CDH13: variants seen among roughly 807,000 people sequenced by gnomAD.
CDH13 encodes cadherin 13.
Under a neutral mutation model 63.8 loss-of-function variants are expected in CDH13, and 24 were observed. The ratio of observed to expected loss-of-function variants is 0.38; its 90% CI spans 0.27 to 0.53. CDH13 has a LOEUF of 0.53. Ranked by LOEUF, CDH13 falls within the 20% of genes least tolerant of loss-of-function variation. The pLI is 0.85. For synonymous variants in CDH13, 503 were observed against 355.3 expected, an observed-to-expected ratio of 1.42 and a Z score of -4.67; for missense variants, 1,049 against 903.1, an observed-to-expected ratio of 1.16 and a Z score of -2.07.
chr16:82,674,437 A>C (rs1913659048), intron 1 of CDH13, among the ~76,000 whole-genome samples: 1 of 152,222 alleles, frequency 6.6e-6, no homozygotes, highest in African/African-American at 2.4e-5. Flanking sequence ...AAGTGTTAGC[A>C]ATCCTCCAGA....
At chr16:83,220,599 G>GTAA (rs1189483385) in intron 5 of CDH13, among the ~76,000 whole-genome samples, 1 of 142,128 alleles carries the variant, frequency 7.0e-6, no homozygotes, top group African/African-American at 2.7e-5. Flanking sequence ...AACTTAAAGT[G>GTAA]TAATAATAAT....
At chr16:83,633,958 C>G (rs1911008929) in intron 8 of CDH13, among the ~76,000 whole-genome samples, 1 of 152,190 alleles carries the variant, frequency 6.6e-6, no homozygotes, top group Non-Finnish European at 1.5e-5. Flanking sequence ...ACAGAAGTTG[C>G]AAAAATAGTG....
chr16:83,081,782 A>G (rs1470645402), intron 3 of CDH13, among the ~76,000 whole-genome samples: 1 of 152,026 alleles, frequency 6.6e-6, no homozygotes, highest in Non-Finnish European at 1.5e-5. Flanking sequence ...TTCCACCCTC[A>G]TGACCTCATC....
chr16:83,379,574 T>G (rs2091518875), intron 6 of CDH13, among the ~76,000 whole-genome samples: 1 of 152,152 alleles, frequency 6.6e-6, no homozygotes, highest in Non-Finnish European at 1.5e-5. Flanking sequence ...ATGCACAACT[T>G]GATCATGAGA....
chr16:83,249,089 A>G (rs1905239247), intron 5 of CDH13, among the ~76,000 whole-genome samples: 1 of 152,188 alleles, frequency 6.6e-6, no homozygotes, highest in Non-Finnish European at 1.5e-5. Context: ...AGTACTACTA[A>G]AACACAAATT....
chr16:83,773,125 C>T (rs1372399371), intron 11 of CDH13, among the ~76,000 whole-genome samples: 1 of 152,158 alleles, frequency 6.6e-6, no homozygotes, highest in Non-Finnish European at 1.5e-5. Flanking sequence ...GACACTATTC[C>T]TTTCCATGAT....
intron 7 of CDH13, among the ~76,000 whole-genome samples, chr16:83,508,848 A>AT (rs2074486378): frequency 6.6e-6 from 1 of 152,182 alleles, no homozygotes. Flanking sequence ...TATATTTTAG[A>AT]TATCTTGTAA....
intron 2 of CDH13, among the ~76,000 whole-genome samples, chr16:82,910,891 G>A (rs1717600217): frequency 6.6e-6 from 1 of 152,180 alleles, no homozygotes; most frequent in East Asian, 1.9e-4. Flanking sequence ...GCCAGTGGAT[G>A]AGTTTAATCA....
chr16:83,459,709 TC>T (rs1471999873), intron 6 of CDH13, among the ~76,000 whole-genome samples: 1 of 152,140 alleles, frequency 6.6e-6, no homozygotes, highest in Non-Finnish European at 1.5e-5. Flanking sequence ...GTATTAAGAG[TC>T]ACTTGATCAC....
chr16:82,822,952 C>T lies in CDH13; in HGVS notation c.46-35410C>T, dbSNP rs182960280. Among the ~76,000 whole-genome samples the T allele has an allele frequency of 1.8e-3, 275 of 152,220 alleles. 3 individuals are homozygous for T. Among genetic ancestry groups the T allele is most frequent in the African/African-American group, 6.0e-3 (251 of 41,534 alleles). On this transcript the variant is annotated intron_variant, in intron 1 of 13. Coordinates refer to ENST00000567109, the MANE Select transcript of CDH13 (RefSeq NM_001257.5). ...CCGAGGCTGGAGTCATCTGGAAGTG[C>T]GCTCGCTCATAGACCTGGGTGTGGA...
At chr16:82,740,386 T>C (rs1429661149) in intron 1 of CDH13, among the ~76,000 whole-genome samples, 1 of 152,238 alleles carries the variant, frequency 6.6e-6, no homozygotes, top group East Asian at 1.9e-4. Flanking sequence ...ACTTTCCAGA[T>C]AATGTACAGC....
chr16:82,823,275 C>T (rs2038089702), intron 1 of CDH13: 1 of 152,048 alleles, frequency 6.6e-6, no homozygotes, highest in Non-Finnish European at 1.5e-5. Context: ...GACTTTACCT[C>T]CTAGTGAGAA....
chr16:83,370,679 G>A (rs529277967), intron 6 of CDH13, among the ~76,000 whole-genome samples: 1 of 152,194 alleles, frequency 6.6e-6, no homozygotes, highest in East Asian at 1.9e-4. Context: ...GTGTTCTTGT[G>A]TACTCAGTGT....
intron 7 of CDH13, among the ~76,000 whole-genome samples, chr16:83,495,311 G>A (rs1453346407): frequency 6.6e-6 from 1 of 152,128 alleles, no homozygotes; most frequent in Admixed American, 6.5e-5. Context: ...CAGGTTATAG[G>A]TGGATTCAAA....
intron 3 of CDH13, among the ~76,000 whole-genome samples, chr16:83,082,980 A>G (rs546745815): frequency 6.1e-4 from 14 of 22,992 alleles, no homozygotes; most frequent in African/African-American, 2.4e-3. Context: ...AGACTTTTCT[A>G]GTAAGAATTT....
At chr16:82,750,972 G>A (rs954566799) in intron 1 of CDH13, among the ~76,000 whole-genome samples, 1 of 152,196 alleles carries the variant, frequency 6.6e-6, no homozygotes, top group African/African-American at 2.4e-5. Context: ...ATGAAAGCTA[G>A]TCATCAGCAG....
rs142427010 is a variant in CDH13 at position 82,652,785 on chromosome 16, C to T, written c.45+25648C>T. ...TTTCCTCTGACAATCTCTAGTGGACCTATGGTCTTTTGTGAGTTCTGATGG... is the reference window on the plus strand; with the variant it reads ...TTTCCTCTGACAATCTCTAGTGGACTTATGGTCTTTTGTGAGTTCTGATGG... On this transcript the variant is annotated intron_variant, in intron 1 of 13. Coordinates refer to ENST00000567109, the MANE Select transcript of CDH13 (RefSeq NM_001257.5). Among the ~76,000 whole-genome samples, 5 of 151,784 alleles carry T rather than the reference C, an allele frequency of 3.3e-5. No individual in the cohort carries two copies. In the East Asian group the frequency reaches 9.7e-4, roughly 29 times the overall value.
chr16:83,038,493 C>G (rs1300636403), intron 3 of CDH13, among the ~76,000 whole-genome samples: 1 of 152,116 alleles, frequency 6.6e-6, no homozygotes. Context: ...TGAGGTTAAC[C>G]TTCCGTGCAC....
At chr16:83,368,640 C>T (rs956000229) in intron 6 of CDH13, among the ~76,000 whole-genome samples, 8 of 151,616 alleles carry the variant, frequency 5.3e-5, no homozygotes, top group Non-Finnish European at 1.2e-4. Flanking sequence ...GTCCACTGTA[C>T]CCAATGTGTA....
Sources: gnomAD v4.1 joint callset for allele counts (sites outside exome capture counted in the v4.1 genomes callset) on GRCh38, gnomAD v4.1.1 for gene constraint, MANE v1.5 for transcripts, NCBI Gene and HGNC (gene_info 2026-07-23, HGNC 2026-07-21) for gene names.